Variants in SIL1 observed in about 807,000 individuals in gnomAD.
SIL1 encodes the protein SIL1 nucleotide exchange factor.
SIL1 carries 40 observed loss-of-function variants against 49.1 expected under a neutral mutation model. The observed-to-expected ratio is 0.81, with a 90% CI of 0.63 to 1.06. SIL1 has a LOEUF of 1.06. Ranked by LOEUF, SIL1 falls within the 50% of genes least tolerant of loss-of-function variation. The pLI is 0.00. For synonymous variants in SIL1, 253 were observed against 250.8 expected, an observed-to-expected ratio of 1.01 and a Z score of -0.08; for missense variants, 500 against 572.6, an observed-to-expected ratio of 0.87 and a Z score of 1.29.
At chr5:138,949,623 GC>G (rs1383376838) in intron 9 of SIL1, among the ~76,000 whole-genome samples, 2 of 151,920 alleles carry the variant, frequency 1.3e-5, no homozygotes, top group Admixed American at 6.6e-5. Flanking sequence ...ACCAGCCTGA[GC>G]AACATAGTGA....
chr5:139,189,139 T>C (rs1467792390), intron 1 of SIL1, among the ~76,000 whole-genome samples: 1 of 152,172 alleles, frequency 6.6e-6, no homozygotes, highest in African/African-American at 2.4e-5. Flanking sequence ...TCAATAATGA[T>C]GACAACACAG....
At chr5:138,966,294 G>A (rs1767136600) in intron 7 of SIL1, among the ~76,000 whole-genome samples, 1 of 152,046 alleles carries the variant, frequency 6.6e-6, no homozygotes, top group Non-Finnish European at 1.5e-5. Flanking sequence ...ATCCTCCAAG[G>A]GCCACCACCC....
intron 3 of SIL1, among the ~76,000 whole-genome samples, chr5:139,066,598 T>C (rs1769711656): frequency 6.6e-6 from 1 of 152,244 alleles, no homozygotes; most frequent in Admixed American, 6.5e-5. Flanking sequence ...TCTTAGTCAT[T>C]TGGCTTCTTG....
chr5:139,107,459 G>A (rs1203333315), intron 3 of SIL1, among the ~76,000 whole-genome samples: 3 of 151,922 alleles, frequency 2.0e-5, no homozygotes, highest in Admixed American at 1.3e-4. Flanking sequence ...TGCTATTAAC[G>A]TCTTACAAAA....
intron 3 of SIL1, among the ~76,000 whole-genome samples, chr5:139,107,659 T>G (rs1373896400): frequency 6.6e-6 from 1 of 152,212 alleles, no homozygotes; most frequent in African/African-American, 2.4e-5. Flanking sequence ...TCAGTCTTTG[T>G]CTTTCATCAC....
chr5:139,042,508 A>G (rs1328168412), intron 5 of SIL1, 112 bp downstream of exon 5: 9 of 923,134 alleles, frequency 9.7e-6, no homozygotes, highest in African/African-American at 1.6e-5. Context: ...TTATTTTACA[A>G]TATTGTTATC....
chr5:139,005,300 T>C (rs1168987213), intron 7 of SIL1, among the ~76,000 whole-genome samples: 1 of 152,108 alleles, frequency 6.6e-6, no homozygotes, highest in African/African-American at 2.4e-5. Flanking sequence ...CATTTTCTAA[T>C]CTGTCCATTG....
chr5:139,170,016 G>A (rs1184090170), intron 1 of SIL1, among the ~76,000 whole-genome samples: 1 of 152,254 alleles, frequency 6.6e-6, no homozygotes, highest in African/African-American at 2.4e-5. Flanking sequence ...ACAGGCGCGT[G>A]CTGCCACGCC....
At chr5:139,117,528 C>A (rs1481138872) in intron 3 of SIL1, among the ~76,000 whole-genome samples, 1 of 152,102 alleles carries the variant, frequency 6.6e-6, no homozygotes, top group African/African-American at 2.4e-5. Flanking sequence ...CTGCACAGGT[C>A]CAAAGTCCTA....
At chr5:139,051,261 G>A (rs115705504) in intron 3 of SIL1, 126 of 583,740 alleles carry the variant, frequency 2.2e-4, no homozygotes, top group African/African-American at 2.0e-3. Context: ...AGGGAATGAC[G>A]TAAGATGGGC....
rs1581061980 is a variant in SIL1, at chr5:139,053,859, C to A, written c.245-2813G>T. ...CAAAAGATTTCACAGCACCATGAAT[C>A]CTTTATAGCACTCACCACAATCAGT... On this transcript the variant is annotated intron_variant, in intron 3 of 9. Transcript: ENST00000394817. Among the ~76,000 whole-genome samples the A allele has an allele frequency of 2.0e-5, 3 of 152,356 alleles. No individual in the cohort carries two copies. The South Asian group carries it at 6.2e-4, about 32-fold the overall frequency.
intron 7 of SIL1, among the ~76,000 whole-genome samples, chr5:139,010,417 C>A (rs1253503393): frequency 1.3e-5 from 2 of 151,190 alleles, no homozygotes; most frequent in African/African-American, 2.4e-5. Flanking sequence ...AATGTCCTCC[C>A]ATAGCTCAGA....
chr5:139,133,318 G>A (rs764081032), intron 1 of SIL1: 1 of 152,188 alleles, frequency 6.6e-6, no homozygotes, highest in Non-Finnish European at 1.5e-5. Context: ...CTTAAATAGA[G>A]GTTGGATGCA....
chr5:139,032,587 G>A (rs1205471385), intron 5 of SIL1, among the ~76,000 whole-genome samples: 1 of 152,164 alleles, frequency 6.6e-6, no homozygotes, highest in Non-Finnish European at 1.5e-5. Flanking sequence ...AGTAAGTTGG[G>A]AAGTGTTCCT....
At chr5:139,006,969 T>TA (rs1381519585) in intron 7 of SIL1, among the ~76,000 whole-genome samples, 1 of 145,414 alleles carries the variant, frequency 6.9e-6, no homozygotes, top group Non-Finnish European at 1.5e-5. Flanking sequence ...ATATGAACTT[T>TA]AAAGTAGTTT....
chr5:139,136,961 G>A (rs1250267316), intron 1 of SIL1, among the ~76,000 whole-genome samples: 7 of 152,168 alleles, frequency 4.6e-5, no homozygotes, highest in Admixed American at 4.6e-4. Context: ...GGGCAGGGAG[G>A]TAAAATTTCT....
rs1769270512 is a variant in SIL1 at position 139,050,942 on chromosome 5, T to G, written c.349A>C (p.Lys117Gln). The G allele has an allele frequency of 6.2e-7, 1 of 1,613,802 alleles. No homozygotes were observed. Among genetic ancestry groups the G allele is most frequent in the Non-Finnish European group, 8.5e-7 (1 of 1,179,754 alleles). ...EDKFRNNLKG[K>Q]RLDINTNTYT... ...TCCCTAGGGTTGACACTGTACCTTT[T>G]GCCTTTCAAATTATTTCGGAACTTG... Residue 117 changes from lysine to glutamine, a missense_variant, in exon 4 of 10, where the codon AAA (lysine) becomes CAA (glutamine). Coordinates refer to ENST00000394817, the MANE Select transcript of SIL1 (RefSeq NM_022464.5).
In SIL1 at chr5:139,151,173, C is replaced by T. The variant is rs138622409; in HGVS notation, c.-10-23320G>A. On this transcript the variant is annotated intron_variant, in intron 1 of 9. Transcript: ENST00000394817. ...TTACCCCATTCCCAACCATTGGCCC[C>T]CACACCAGCCTAGAAAGAAAAAATA... 5.6e-4 allele frequency among the ~76,000 whole-genome samples: 85 copies of T among 152,266 alleles called. No individual in the cohort carries two copies. In the East Asian group the frequency reaches 0.015, roughly 27 times the overall value.
At chr5:138,962,430 G>A (rs971632180) in intron 7 of SIL1, among the ~76,000 whole-genome samples, 5 of 152,234 alleles carry the variant, frequency 3.3e-5, no homozygotes, top group African/African-American at 9.6e-5. Flanking sequence ...TGTGACTGAG[G>A]TAAGTTACTA....
Sources: allele counts gnomAD v4.1 joint callset (sites outside exome capture counted in the v4.1 genomes callset), GRCh38; gene constraint gnomAD v4.1.1; transcripts MANE v1.5; gene names NCBI Gene and HGNC (gene_info 2026-07-23, HGNC 2026-07-21).